ZFYVE27: variants seen among roughly 807,000 people sequenced by gnomAD.
The protein encoded by ZFYVE27 is zinc finger FYVE-type containing 27.
In ZFYVE27, 36 loss-of-function variants were observed where a neutral mutation model predicts 52.8. That is an observed-to-expected ratio of 0.68 (90% CI 0.52 to 0.90). The LOEUF (loss-of-function observed/expected upper bound fraction) is 0.90, where lower values mean the gene tolerates loss of function less well. Ranked by LOEUF, ZFYVE27 falls within the 40% of genes least tolerant of loss-of-function variation. The pLI, the probability that ZFYVE27 is intolerant of heterozygous loss-of-function variation, is 0.00. For synonymous variants in ZFYVE27, 223 were observed against 215.6 expected (o/e 1.03, Z -0.30); for missense variants, 450 against 527.2 (o/e 0.85, Z 1.43).
chr10:97,738,670 C>T lies in ZFYVE27; in HGVS notation c.193C>T (p.Leu65Phe), dbSNP rs2042748102. The stretch of plus-strand genomic sequence containing the variant: ...TGCAGGTGATGGTGTTCGATACTTG[C>T]TCAGGTACAGACTTTGTGGAGTTGC... ...KDAGDGVRYL[L>F]RWQMPLCSLL... Residue 65 changes from leucine to phenylalanine, a missense_variant, in exon 2 of 13, where the codon CTC becomes TTC. Transcript: ENST00000684270. 1 of 1,614,250 alleles carries T rather than the reference C, an allele frequency of 6.2e-7. No homozygotes were observed. Among genetic ancestry groups the T allele is most frequent in the East Asian group, 2.2e-5 (1 of 44,892 alleles).
intron 10 of ZFYVE27, among the ~76,000 whole-genome samples, chr10:97,753,616 C>T (rs1413096238): frequency 6.6e-6 from 1 of 152,182 alleles, no homozygotes; most frequent in Non-Finnish European, 1.5e-5. Flanking sequence ...GTTTCCCCTT[C>T]TGTAAAAGGG....
chr10:97,757,432 T>C, intron 11 of ZFYVE27, 121 bp downstream of exon 11: 1 of 1,459,306 alleles, frequency 6.9e-7, no homozygotes, highest in Non-Finnish European at 9.6e-7. Flanking sequence ...GGCAGTGGCT[T>C]TCTGGAGTGA....
Position 97,760,844 on chromosome 10 carries a change from A to T in ZFYVE27, c.*1544A>T, listed in dbSNP as rs1455950138. On this transcript the variant is annotated 3_prime_UTR_variant, in exon 13 of 13. Transcript: ENST00000684270. ...GCTTTCTTTACACTGGAGAGGAACT[A>T]AAAGGATCTCTGTGTCTATGGAGAA... is the stretch of plus-strand genomic sequence containing the variant. 6.6e-6 allele frequency: 1 copy of T among 152,268 alleles called. No homozygotes were observed. Among genetic ancestry groups the T allele is most frequent in the Admixed American group, 6.5e-5 (1 of 15,286 alleles). The allele number at this position is 152,268 out of a possible 1,614,324, so 9.4% of individuals were successfully genotyped here.
At chr10:97,738,446 A>G (rs775416040) in intron 1 of ZFYVE27, 31 bp from the exon 2 acceptor site, 31 of 1,611,332 alleles carry the variant, frequency 1.9e-5, no homozygotes, top group African/African-American at 4.0e-5. Flanking sequence ...TAGACGTGCA[A>G]TGCAAATGTT....
At chr10:97,746,864 A>AT (rs1419623619) in intron 4 of ZFYVE27, among the ~76,000 whole-genome samples, 1 of 151,574 alleles carries the variant, frequency 6.6e-6, no homozygotes, top group Non-Finnish European at 1.5e-5. Flanking sequence ...AATTAAAACA[A>AT]TTTTTTTGTA....
chr10:97,738,891 C>A, intron 2 of ZFYVE27: 1 of 585,054 alleles, frequency 1.7e-6, no homozygotes, highest in Non-Finnish European at 3.1e-6. Flanking sequence ...TCCTGCCTTT[C>A]AGCAAGGTTC....
chr10:97,749,708 C>T, intron 6 of ZFYVE27, 122 bp downstream of exon 6: 1 of 778,810 alleles, frequency 1.3e-6, no homozygotes, highest in Non-Finnish European at 2.3e-6. Context: ...AGTGCAACAC[C>T]ACACTGGGGT....
intron 3 of ZFYVE27, 96 bp from the exon 4 acceptor site, chr10:97,744,633 C>G: frequency 6.9e-7 from 1 of 1,447,088 alleles, no homozygotes; most frequent in Non-Finnish European, 9.5e-7. Context: ...ACTGGCAGAG[C>G]CCTGGAGGAG....
At chr10:97,750,518 C>G in intron 7 of ZFYVE27, 48 bp downstream of exon 7, 2 of 1,610,694 alleles carry the variant, frequency 1.2e-6, no homozygotes, top group Non-Finnish European at 1.7e-6. Context: ...CTTGTGGGCC[C>G]CCCTGTTATC....
rs1385072456 is a variant in ZFYVE27 at position 97,760,592 on chromosome 10, G to C, written c.*1292G>C. On this transcript the variant is annotated 3_prime_UTR_variant, in exon 13 of 13. Transcript: ENST00000684270. ...CCTGGGACCCAGGACCCATGAGGGG[G>C]CTGAGAGGTTTCTACACTCGAGGAG... The C allele has an allele frequency of 2.0e-5, 3 of 152,328 alleles. No homozygotes were observed. 9.4% of individuals were successfully genotyped at this position (152,328 alleles called of 1,614,324 possible).
intron 10 of ZFYVE27, chr10:97,754,599 G>A: frequency 8.0e-7 from 1 of 1,251,664 alleles, no homozygotes; most frequent in Non-Finnish European, 1.0e-6. Flanking sequence ...ACAAGTGTGA[G>A]CCACCACGCC....
intron 7 of ZFYVE27, 64 bp downstream of exon 7, chr10:97,750,534 G>GT (rs1455772838): frequency 6.2e-7 from 1 of 1,602,408 alleles, no homozygotes; most frequent in Non-Finnish European, 8.5e-7. Context: ...TTATCAGCTT[G>GT]TTTTTGGCTC....
At chr10:97,739,205 T>A (rs1440790220) in intron 2 of ZFYVE27, among the ~76,000 whole-genome samples, 3 of 149,046 alleles carry the variant, frequency 2.0e-5, no homozygotes, top group East Asian at 2.0e-4. Flanking sequence ...CAAGCGATCC[T>A]CCTACCTCAG....
intron 7 of ZFYVE27, 93 bp downstream of exon 7, chr10:97,750,563 T>G (rs1188024273): frequency 6.5e-7 from 1 of 1,547,386 alleles, no homozygotes; most frequent in Non-Finnish European, 8.8e-7. Flanking sequence ...GCCTCTGTTG[T>G]AGTTCCTGCT....
intron 4 of ZFYVE27, 62 bp from the exon 5 acceptor site, chr10:97,748,207 C>T (rs2045970858): frequency 1.3e-6 from 2 of 1,510,660 alleles, no homozygotes; most frequent in Admixed American, 1.7e-5. Flanking sequence ...ACCTGCAAGG[C>T]CCCAGGCTCC....
At chr10:97,738,811 G>C (rs200425310) in intron 2 of ZFYVE27, 137 bp downstream of exon 2, 31 of 986,204 alleles carry the variant, frequency 3.1e-5, no homozygotes, top group Admixed American at 1.2e-4. Flanking sequence ...AGGTCTGTTC[G>C]GCCTCTGGGT....
intron 2 of ZFYVE27, chr10:97,738,964 C>G (rs2042841360): frequency 4.8e-6 from 2 of 416,702 alleles, no homozygotes; most frequent in Non-Finnish European, 8.9e-6. Flanking sequence ...ATCACGCCTT[C>G]TACAGCTTAG....
chr10:97,751,256 A>C, intron 7 of ZFYVE27, 135 bp from the exon 8 acceptor site: 7 of 929,184 alleles, frequency 7.5e-6, no homozygotes, highest in Non-Finnish European at 1.0e-5. Context: ...CCTTCCTGTG[A>C]GTTCCTTCTT....
At position 97,759,338 on chromosome 10, in the gene ZFYVE27, G is replaced by A; in HGVS notation, c.*38G>A. The A allele has an allele frequency of 6.2e-7, 1 of 1,612,260 alleles. No homozygotes were observed. Among genetic ancestry groups the A allele is most frequent in the Non-Finnish European group, 8.5e-7 (1 of 1,178,386 alleles). ...GGGTCCAACCAGGCACCCGTCCTTGGGACCAGCAGTAGACCCCCCACTCTC... is the reference window on the plus strand; with the variant it reads ...GGGTCCAACCAGGCACCCGTCCTTGAGACCAGCAGTAGACCCCCCACTCTC... On this transcript the variant is annotated 3_prime_UTR_variant, in exon 13 of 13. Coordinates refer to ENST00000684270, the MANE Select transcript of ZFYVE27 (RefSeq NM_001385875.1).
Sources: gnomAD v4.1 joint callset for allele counts (sites outside exome capture counted in the v4.1 genomes callset) on GRCh38, gnomAD v4.1.1 for gene constraint, MANE v1.5 for transcripts, NCBI Gene and HGNC (gene_info 2026-07-23, HGNC 2026-07-21) for gene names.